Variants in GALK2 observed in about 807,000 individuals in gnomAD.
GALK2 encodes the protein galactokinase 2, also known as N-acetylgalactosamine kinase.
A neutral mutation model predicts 52.4 loss-of-function variants in GALK2; 36 were observed. The observed-to-expected ratio is 0.69, with a 90% CI of 0.53 to 0.91. The LOEUF (loss-of-function observed/expected upper bound fraction) is 0.91. GALK2 is among the 40% of genes least tolerant of loss of function. GALK2 has a pLI of 0.00. For missense variants in GALK2, 579 were observed against 559.1 expected (o/e 1.04, Z -0.36); for synonymous variants, 176 against 199.1 (o/e 0.88, Z 0.98).
intron 1 of GALK2, among the ~76,000 whole-genome samples, chr15:49,160,773 C>A (rs1266773137): frequency 6.6e-6 from 1 of 152,068 alleles, no homozygotes; most frequent in African/African-American, 2.4e-5. Context: ...GATGCTGAGG[C>A]AGGAGAATCG....
chr15:49,175,432 C>A (rs1008849683), intron 1 of GALK2, among the ~76,000 whole-genome samples: 1 of 152,126 alleles, frequency 6.6e-6, no homozygotes, highest in African/African-American at 2.4e-5. Flanking sequence ...GTTGTTACAC[C>A]TCGACCTGTA....
At chr15:49,207,808 G>A (rs951374815) in intron 2 of GALK2, among the ~76,000 whole-genome samples, 9 of 151,932 alleles carry the variant, frequency 5.9e-5, no homozygotes, top group Non-Finnish European at 8.8e-5. Context: ...ACGGAGTCTC[G>A]CTTTTGTCAC....
intron 2 of GALK2, among the ~76,000 whole-genome samples, chr15:49,210,069 A>T (rs1222037200): frequency 6.6e-6 from 1 of 152,104 alleles, no homozygotes; most frequent in Non-Finnish European, 1.5e-5. Context: ...CTTAGGTTTT[A>T]TGTGTCCAGG....
chr15:49,264,622 G>A (rs1304899073), intron 5 of GALK2, among the ~76,000 whole-genome samples: 2 of 152,184 alleles, frequency 1.3e-5, no homozygotes, highest in Non-Finnish European at 2.9e-5. Flanking sequence ...GTGAGGAACT[G>A]CGTTCCTTTG....
chr15:49,197,327 A>C (rs1231657465), intron 1 of GALK2, among the ~76,000 whole-genome samples: 1 of 152,178 alleles, frequency 6.6e-6, no homozygotes, highest in Non-Finnish European at 1.5e-5. Flanking sequence ...TTTATGTTTT[A>C]ATAGTTGAGG....
At position 49,292,658 on chromosome 15, in the gene GALK2, TTAA is replaced by T. The variant is rs2034054225; in HGVS notation, c.967+123_967+125del. 5.4e-6 allele frequency: 4 copies of T among 744,550 alleles called. No individual in the cohort carries two copies. The South Asian group carries it at 7.5e-5, about 14-fold the overall frequency. The allele number at this position is 744,550 out of a possible 1,614,324, so 46.1% of individuals were successfully genotyped here. A position where few individuals can be genotyped will look rare whatever the true frequency, so the allele number is the denominator to read the frequency against. Reference sequence around the variant, plus strand: ...ATTTGGAGACTGTGTTTTGGCAAGCTTAATTATTTAGAATCTTAGCTTCATAAA... The same window carrying T: ...ATTTGGAGACTGTGTTTTGGCAAGCTTTATTTAGAATCTTAGCTTCATAAA... On this transcript the variant is annotated intron_variant, in intron 8 of 9. Coordinates refer to ENST00000560031, the MANE Select transcript of GALK2 (RefSeq NM_002044.4).
intron 3 of GALK2, among the ~76,000 whole-genome samples, chr15:49,350,716 C>T (rs2042116169): frequency 6.6e-6 from 1 of 152,176 alleles, no homozygotes; most frequent in African/African-American, 2.4e-5. Flanking sequence ...CACCATTTGC[C>T]TTTTATAATC....
At chr15:49,174,522 T>A (rs1460959130) in intron 1 of GALK2, among the ~76,000 whole-genome samples, 1 of 152,076 alleles carries the variant, frequency 6.6e-6, no homozygotes, top group Non-Finnish European at 1.5e-5. Context: ...ATTTTTGTAT[T>A]TTTAGTAGAG....
At position 49,328,032 on chromosome 15, in the gene GALK2, T is replaced by C. The variant is rs376206527; in HGVS notation, c.1250T>C (p.Leu417Pro). The C allele has an allele frequency of 3.2e-5, 51 of 1,613,962 alleles. No individual in the cohort carries two copies. The highest frequency in any genetic ancestry group is 4.1e-5 in the Non-Finnish European group (48 of 1,179,936). The change falls in exon 10 of 10, where the codon CTG becomes CCG. Residue 417 changes from leucine (L) to proline (P), a missense_variant. Transcript: ENST00000560031. The part of the protein sequence containing the change: ...CTVSMVPADK[L>P]PSFLANVHKA... ...GTATCAATGGTACCTGCGGACAAGC[T>C]GCCCAGCTTTCTAGCAAATGTGCAC...
intron 8 of GALK2, among the ~76,000 whole-genome samples, chr15:49,299,980 G>T (rs1227735104): frequency 6.6e-6 from 1 of 151,768 alleles, no homozygotes; most frequent in Admixed American, 6.6e-5. Flanking sequence ...CAAGTGCTGA[G>T]TTTAAGTCCC....
Position 49,328,776 on chromosome 15 carries a change from T to A in GALK2, c.*617T>A, listed in dbSNP as rs2037994724. Reference sequence around the variant, plus strand: ...CTCCAGTTATCAAGAGACTAAGGATTTTTTTTTTTTTTTGACAAAAGGAGG... The same window carrying A: ...CTCCAGTTATCAAGAGACTAAGGATATTTTTTTTTTTTTGACAAAAGGAGG... On this transcript the variant is annotated 3_prime_UTR_variant, in exon 10 of 10. Transcript: ENST00000560031. 7.7e-6 allele frequency: 1 copy of A among 129,402 alleles called. No homozygotes were observed. Among genetic ancestry groups the A allele is most frequent in the Admixed American group, 4.3e-4 (1 of 2,302 alleles). 8.0% of individuals were successfully genotyped at this position (129,402 alleles called of 1,614,324 possible).
chr15:49,177,695 G>A (rs2085573577), intron 1 of GALK2: 2 of 586,590 alleles, frequency 3.4e-6, no homozygotes, highest in African/African-American at 1.9e-5. Context: ...ACCCTACCAA[G>A]GCCACGGATC....
At chr15:49,284,894 C>T (rs142451939) in intron 7 of GALK2, among the ~76,000 whole-genome samples, 1 of 152,268 alleles carries the variant, frequency 6.6e-6, no homozygotes, top group African/African-American at 2.4e-5. Flanking sequence ...TTGTTCCTCG[C>T]CTCTATTTCT....
At position 49,328,276 on chromosome 15, in the gene GALK2, A is replaced by G. The variant is rs2037878172; in HGVS notation, c.*117A>G. 2 of 1,442,616 alleles carry G rather than the reference A, an allele frequency of 1.4e-6. No individual in the cohort carries two copies. The highest frequency in any genetic ancestry group is 9.1e-7 in the Non-Finnish European group (1 of 1,099,204). The allele number at this position is 1,442,616 out of a possible 1,614,324, so 89.4% of individuals were successfully genotyped here. ...TGTATTATGATGAACGGTTGCTATT[A>G]TATCAAGATATATTTTCAAAGAAAT... On this transcript the variant is annotated 3_prime_UTR_variant, in exon 10 of 10. Transcript: ENST00000560031.
At chr15:49,346,349 G>A (rs568592218) in intron 3 of GALK2, among the ~76,000 whole-genome samples, 4 of 152,286 alleles carry the variant, frequency 2.6e-5, no homozygotes, top group African/African-American at 9.6e-5. Context: ...ATGCTATGAA[G>A]CCTGACTATG....
chr15:49,230,633 C>G (rs1333659132), intron 3 of GALK2, among the ~76,000 whole-genome samples: 4 of 152,148 alleles, frequency 2.6e-5, no homozygotes, highest in African/African-American at 7.2e-5. Context: ...TGATGCTACT[C>G]TTATTATAAA....
At chr15:49,282,251 C>T (rs2032807018) in intron 6 of GALK2, among the ~76,000 whole-genome samples, 166 bp downstream of exon 6, 1 of 152,204 alleles carries the variant, frequency 6.6e-6, no homozygotes, top group African/African-American at 2.4e-5. Flanking sequence ...AGGCTGCCAC[C>T]AGTTAATCTA....
chr15:49,211,699 A>C (rs2088905386), intron 2 of GALK2, among the ~76,000 whole-genome samples: 1 of 152,172 alleles, frequency 6.6e-6, no homozygotes, highest in African/African-American at 2.4e-5. Flanking sequence ...AAGGGGAAGG[A>C]GGCACGCCGT....
intron 3 of GALK2, among the ~76,000 whole-genome samples, chr15:49,228,688 T>TATATATATATATGTATATATATATATA: frequency 9.6e-5 from 1 of 10,444 alleles, no homozygotes; most frequent in Non-Finnish European, 1.8e-4. Flanking sequence ...TATATATATA[T>TATATATATATATGTATATATATATATA]TTTTTTTTTT....
Sources: gnomAD v4.1 joint callset for allele counts (sites outside exome capture counted in the v4.1 genomes callset) on GRCh38, gnomAD v4.1.1 for gene constraint, MANE v1.5 for transcripts, NCBI Gene and HGNC (gene_info 2026-07-23, HGNC 2026-07-21) for gene names.